The following LHFPL3 variants were observed in gnomAD, a reference collection of about 807,000 sequenced individuals.
The protein encoded by LHFPL3 is LHFPL tetraspan subfamily member 3 protein.
LHFPL3 carries 5 observed loss-of-function variants against 19.3 expected under a neutral mutation model. That is an observed-to-expected ratio of 0.26 (90% CI 0.14 to 0.54). The LOEUF (loss-of-function observed/expected upper bound fraction) is 0.54. Among genes scored for constraint, LHFPL3 ranks in the 20% least tolerant of loss-of-function variants. The pLI is 0.94. For synonymous variants in LHFPL3, 133 were observed against 126.2 expected (o/e 1.05, Z -0.36); for missense variants, 249 against 307.4 (o/e 0.81, Z 1.42).
At chr7:104,784,917 G>A (rs1383552756) in intron 2 of LHFPL3, among the ~76,000 whole-genome samples, 1 of 152,148 alleles carries the variant, frequency 6.6e-6, no homozygotes, top group Admixed American at 6.5e-5. Flanking sequence ...GGCAGGGAAG[G>A]GGAAGTGGGG....
At chr7:104,722,278 C>A (rs959281861) in intron 1 of LHFPL3, among the ~76,000 whole-genome samples, 1 of 152,134 alleles carries the variant, frequency 6.6e-6, no homozygotes, top group African/African-American at 2.4e-5. Context: ...TATACAGATC[C>A]TTTTAGTTGA....
chr7:104,422,321 A>C (rs2116536279), intron 1 of LHFPL3, among the ~76,000 whole-genome samples: 1 of 152,282 alleles, frequency 6.6e-6, no homozygotes, highest in East Asian at 1.9e-4. Context: ...AGATTGTGCC[A>C]CTGCACTCCA....
intron 1 of LHFPL3, among the ~76,000 whole-genome samples, chr7:104,601,819 T>A (rs1436159825): frequency 6.6e-6 from 1 of 152,150 alleles, no homozygotes; most frequent in Non-Finnish European, 1.5e-5. Flanking sequence ...CTGGTCCACA[T>A]GATCTGGAAT....
intron 2 of LHFPL3, among the ~76,000 whole-genome samples, chr7:104,875,021 T>TA (rs1183260389): frequency 6.6e-6 from 1 of 151,714 alleles, no homozygotes; most frequent in African/African-American, 2.4e-5. Context: ...GAATGTATTT[T>TA]TTTTTTTAGA....
At chr7:104,446,707 C>G (rs926475623) in intron 1 of LHFPL3, among the ~76,000 whole-genome samples, 6 of 152,124 alleles carry the variant, frequency 3.9e-5, no homozygotes, top group Admixed American at 1.3e-4. Flanking sequence ...TCCTGAGTAG[C>G]TGAGACTACA....
intron 1 of LHFPL3, among the ~76,000 whole-genome samples, chr7:104,545,912 C>A (rs1794572588): frequency 1.3e-5 from 2 of 152,172 alleles, no homozygotes; most frequent in African/African-American, 4.8e-5. Flanking sequence ...CTCTCTTCTG[C>A]AAGGTATAGA....
chr7:104,827,067 T>G (rs1393545231), intron 2 of LHFPL3, among the ~76,000 whole-genome samples: 2 of 151,954 alleles, frequency 1.3e-5, no homozygotes, highest in Non-Finnish European at 2.9e-5. Context: ...CCATTTACCC[T>G]AGACTAGAAC....
At chr7:104,739,742 A>G (rs1218330844) in intron 2 of LHFPL3, among the ~76,000 whole-genome samples, 1 of 152,184 alleles carries the variant, frequency 6.6e-6, no homozygotes, top group African/African-American at 2.4e-5. Flanking sequence ...GGAATTTTAG[A>G]AGAATTTATT....
chr7:104,843,110 T>TG (rs1426481042), intron 2 of LHFPL3, among the ~76,000 whole-genome samples: 19 of 152,286 alleles, frequency 1.2e-4, no homozygotes, highest in African/African-American at 4.6e-4. Flanking sequence ...TCCTGCAGCG[T>TG]GGGGCAAGCT....
At chr7:104,905,623 A>G (rs1792581895) in intron 2 of LHFPL3, among the ~76,000 whole-genome samples, 1 of 152,206 alleles carries the variant, frequency 6.6e-6, no homozygotes. Flanking sequence ...GGAAATTTAG[A>G]AAATTGTCTT....
intron 1 of LHFPL3, among the ~76,000 whole-genome samples, chr7:104,380,505 G>A (rs775951250): frequency 6.6e-6 from 1 of 152,094 alleles, no homozygotes; most frequent in Admixed American, 6.5e-5. Flanking sequence ...CAGATTGAAA[G>A]AGTTCACCAC....
intron 2 of LHFPL3, among the ~76,000 whole-genome samples, chr7:104,825,380 G>A (rs79154875): frequency 0.018 from 2,712 of 151,866 alleles, 122 homozygotes; most frequent in African/African-American, 0.063. Flanking sequence ...GAAAGATCAT[G>A]GACTTGGGAT....
rs1287542798 is a variant in LHFPL3 at position 104,733,793 on chromosome 7, G to A, written c.446-2882G>A. Among the ~76,000 whole-genome samples the A allele has an allele frequency of 5.9e-5, 9 of 152,294 alleles. No homozygotes were observed. In the South Asian group the frequency reaches 1.7e-3, roughly 28 times the overall value. Reference sequence around the variant, plus strand: ...TGTTAGCTGGTTATTTTGCTCATTAGTTGATGCAGTTTCTTCCTAGCATCG... The same window carrying A: ...TGTTAGCTGGTTATTTTGCTCATTAATTGATGCAGTTTCTTCCTAGCATCG... On this transcript the variant is annotated intron_variant, in intron 1 of 2. Transcript: ENST00000424859.
chr7:104,578,023 T>G (rs1032011574), intron 1 of LHFPL3, among the ~76,000 whole-genome samples: 5 of 152,200 alleles, frequency 3.3e-5, no homozygotes, highest in African/African-American at 1.2e-4. Flanking sequence ...GCGGCATGTA[T>G]AGGATGTCAG....
chr7:104,673,561 A>G (rs1283414903), intron 1 of LHFPL3, among the ~76,000 whole-genome samples: 1 of 152,174 alleles, frequency 6.6e-6, no homozygotes, highest in Admixed American at 6.5e-5. Context: ...ATGCTTTCTG[A>G]TATTGTCCAA....
intron 1 of LHFPL3, among the ~76,000 whole-genome samples, chr7:104,534,186 G>A (rs977554474): frequency 2.0e-5 from 3 of 152,060 alleles, no homozygotes; most frequent in South Asian, 2.1e-4. Context: ...CACAGTGTGG[G>A]TCTTTCCTTT....
intron 1 of LHFPL3, among the ~76,000 whole-genome samples, chr7:104,346,685 T>C (rs910432117): frequency 5.4e-5 from 7 of 128,892 alleles, no homozygotes; most frequent in Non-Finnish European, 8.2e-5. Flanking sequence ...CTTAGTTCTA[T>C]AAAAATAAAA....
intron 1 of LHFPL3, among the ~76,000 whole-genome samples, chr7:104,529,236 G>A (rs1794246584): frequency 6.6e-6 from 1 of 152,144 alleles, no homozygotes; most frequent in South Asian, 2.1e-4. Context: ...GCTTTCCTTA[G>A]ATATTCTCTT....
At chr7:104,510,225 ATAT>A (rs1174616565) in intron 1 of LHFPL3, among the ~76,000 whole-genome samples, 1 of 152,144 alleles carries the variant, frequency 6.6e-6, no homozygotes, top group Non-Finnish European at 1.5e-5. Flanking sequence ...GATACAGAAA[ATAT>A]TATTCTAAAA....
Sources: gnomAD v4.1 joint callset for allele counts (sites outside exome capture counted in the v4.1 genomes callset) on GRCh38, gnomAD v4.1.1 for gene constraint, MANE v1.5 for transcripts, NCBI Gene and HGNC (gene_info 2026-07-23, HGNC 2026-07-21) for gene names.